The following PDK1 variants were observed in gnomAD, a reference collection of about 807,000 sequenced individuals.
The protein encoded by PDK1 is pyruvate dehydrogenase kinase 1.
In PDK1, 39 loss-of-function variants were observed where a neutral mutation model predicts 54.2. The ratio of observed to expected loss-of-function variants is 0.72; its 90% CI spans 0.56 to 0.94. The LOEUF (loss-of-function observed/expected upper bound fraction) is 0.94. Ranked by LOEUF, PDK1 falls within the 40% of genes least tolerant of loss-of-function variation. PDK1 has a pLI of 0.00. For synonymous variants in PDK1, 221 were observed against 207.1 expected, an observed-to-expected ratio of 1.07 and a Z score of -0.58; for missense variants, 552 against 566.0, an observed-to-expected ratio of 0.98 and a Z score of 0.25.
the PDK1 span, among the ~76,000 whole-genome samples, chr2:172,697,419 A>T: frequency 6.6e-6 from 1 of 152,204 alleles, no homozygotes; most frequent in African/African-American, 2.4e-5. Flanking sequence ...CAAGCCTCTG[A>T]CATTTCAAGA....
chr2:172,722,497 T>C, the PDK1 span, among the ~76,000 whole-genome samples: 1 of 151,672 alleles, frequency 6.6e-6, no homozygotes, highest in Non-Finnish European at 1.5e-5. Context: ...AAAAACTAGA[T>C]GAGATTCAGA....
At chr2:172,564,336 A>G (rs1013421327) in intron 3 of PDK1, among the ~76,000 whole-genome samples, 167 bp from the exon 4 acceptor site, 9 of 152,258 alleles carry the variant, frequency 5.9e-5, no homozygotes, top group Non-Finnish European at 1.0e-4. Flanking sequence ...TAGATTTGGT[A>G]TATTTTATGA....
At chr2:172,688,916 C>T in the PDK1 span, among the ~76,000 whole-genome samples, 1 of 152,202 alleles carries the variant, frequency 6.6e-6, no homozygotes, top group Non-Finnish European at 1.5e-5. Context: ...TCGCTGACTT[C>T]AAGAACGAAG....
chr2:172,723,249 C>T, the PDK1 span: 1 of 152,128 alleles, frequency 6.6e-6, no homozygotes, highest in East Asian at 1.9e-4. Context: ...ATTTCTTAAG[C>T]TACATGTTCT....
chr2:172,617,864 A>G, the PDK1 span, among the ~76,000 whole-genome samples: 1 of 152,218 alleles, frequency 6.6e-6, no homozygotes, highest in African/African-American at 2.4e-5. Flanking sequence ...AAACATACAT[A>G]TATTTATACA....
the PDK1 span, among the ~76,000 whole-genome samples, chr2:172,634,120 T>G: frequency 6.6e-6 from 1 of 151,304 alleles, no homozygotes; most frequent in East Asian, 1.9e-4. Flanking sequence ...TCAGGTCATC[T>G]GCCCGCCTCA....
At chr2:172,652,157 G>C in the PDK1 span, among the ~76,000 whole-genome samples, 1 of 152,172 alleles carries the variant, frequency 6.6e-6, no homozygotes. Context: ...TGCAAGGCTG[G>C]TTCAGCATAC....
the PDK1 span, among the ~76,000 whole-genome samples, chr2:172,648,948 C>G: frequency 6.6e-6 from 1 of 152,232 alleles, no homozygotes; most frequent in Admixed American, 6.5e-5. Flanking sequence ...CTTCTACAGA[C>G]TTAAACATCC....
chr2:172,634,262 A>ATATTATTGTTATTATTATTATTAT, the PDK1 span, among the ~76,000 whole-genome samples: 1 of 139,464 alleles, frequency 7.2e-6, no homozygotes, highest in Non-Finnish European at 1.5e-5. Context: ...AAATCTATTT[A>ATATTATTGTTATTATTATTATTAT]TATTATTATT....
the PDK1 span, among the ~76,000 whole-genome samples, chr2:172,645,314 A>G: frequency 0.021 from 2,307 of 110,578 alleles, 70 homozygotes; most frequent in African/African-American, 0.075. Context: ...TCTGTGGCCC[A>G]GGCTGGAGTG....
chr2:172,573,640 A>G (rs1013207681), intron 8 of PDK1, among the ~76,000 whole-genome samples: 39 of 145,840 alleles, frequency 2.7e-4, no homozygotes, highest in African/African-American at 8.4e-4. Flanking sequence ...ATGTGTGTGT[A>G]TATATATATA....
At chr2:172,722,752 G>C in the PDK1 span, among the ~76,000 whole-genome samples, 639 of 152,234 alleles carry the variant, frequency 4.2e-3, 1 homozygote, top group African/African-American at 0.014. Flanking sequence ...TCAGTAGGCT[G>C]TTCCTAGAAA....
At chr2:172,617,844 A>G in the PDK1 span, among the ~76,000 whole-genome samples, 14 of 152,226 alleles carry the variant, frequency 9.2e-5, no homozygotes, top group Admixed American at 8.5e-4. Context: ...AACATTTTCT[A>G]TGTATATGCA....
chr2:172,649,329 C>T, the PDK1 span, among the ~76,000 whole-genome samples: 1 of 152,300 alleles, frequency 6.6e-6, no homozygotes, highest in East Asian at 1.9e-4. Context: ...CCCATCTGTA[C>T]ATCACCATCA....
the PDK1 span, among the ~76,000 whole-genome samples, chr2:172,716,879 A>T: frequency 0.31 from 47,876 of 152,110 alleles, 8,360 homozygotes; most frequent in Non-Finnish European, 0.41. Flanking sequence ...GTTTCTATTT[A>T]ATTGGAACAA....
the PDK1 span, among the ~76,000 whole-genome samples, chr2:172,655,774 G>C: frequency 6.6e-6 from 1 of 152,242 alleles, no homozygotes; most frequent in African/African-American, 2.4e-5. Flanking sequence ...CGGATGGCTT[G>C]AGTGTTGGCC....
chr2:172,719,010 T>C, the PDK1 span, among the ~76,000 whole-genome samples: 1 of 152,210 alleles, frequency 6.6e-6, no homozygotes, highest in Non-Finnish European at 1.5e-5. Flanking sequence ...CTTAGCAAGC[T>C]CTGATCTATT....
At chr2:172,719,385 C>A in the PDK1 span, among the ~76,000 whole-genome samples, 8 of 151,988 alleles carry the variant, frequency 5.3e-5, no homozygotes, top group Non-Finnish European at 1.2e-4. Context: ...AAAAACTTAC[C>A]AACTATATTC....
chr2:172,714,721 G>C, the PDK1 span, among the ~76,000 whole-genome samples: 1 of 152,096 alleles, frequency 6.6e-6, no homozygotes, highest in African/African-American at 2.4e-5. Flanking sequence ...CAATAGATAT[G>C]TATTACTTAT....
Sources: allele counts gnomAD v4.1 joint callset (sites outside exome capture counted in the v4.1 genomes callset), GRCh38; gene constraint gnomAD v4.1.1; transcripts MANE v1.5; gene names NCBI Gene and HGNC (gene_info 2026-07-23, HGNC 2026-07-21).